Variants in SNX13 observed in about 807,000 individuals in gnomAD.
SNX13 encodes the protein sorting nexin 13.
A neutral mutation model predicts 133.6 loss-of-function variants in SNX13; 45 were observed. That is an observed-to-expected ratio of 0.34 (90% CI 0.27 to 0.43). The LOEUF is 0.43. Ranked by LOEUF, SNX13 falls within the 20% of genes least tolerant of loss-of-function variation. The pLI is 1.00. For synonymous variants in SNX13, 414 were observed against 373.9 expected, an observed-to-expected ratio of 1.11 and a Z score of -1.24; for missense variants, 1,032 against 1,145.1, an observed-to-expected ratio of 0.90 and a Z score of 1.43.
intron 18 of SNX13, among the ~76,000 whole-genome samples, chr7:17,820,145 G>T (rs1315914375): frequency 6.6e-6 from 1 of 151,610 alleles, no homozygotes; most frequent in Non-Finnish European, 1.5e-5. Context: ...TTTAAATCAG[G>T]GAATGATTAT....
chr7:17,885,140 C>A (rs930949445), intron 5 of SNX13, among the ~76,000 whole-genome samples: 1 of 151,938 alleles, frequency 6.6e-6, no homozygotes, highest in African/African-American at 2.4e-5. Context: ...ATGTGTTCAA[C>A]GGAATATTAT....
chr7:17,906,907 T>A (rs1338210697), intron 1 of SNX13, among the ~76,000 whole-genome samples: 2 of 152,124 alleles, frequency 1.3e-5, no homozygotes, highest in Non-Finnish European at 2.9e-5. Context: ...TAAATAAAGA[T>A]AATACAGTCA....
chr7:17,799,914 C>T, intron 22 of SNX13, among the ~76,000 whole-genome samples: 1 of 151,644 alleles, frequency 6.6e-6, no homozygotes, highest in Non-Finnish European at 1.5e-5. Flanking sequence ...AAACTGTTTC[C>T]AATTATTTCC....
chr7:17,923,541 TA>T (rs1462434581), intron 1 of SNX13, among the ~76,000 whole-genome samples: 2 of 152,094 alleles, frequency 1.3e-5, no homozygotes, highest in East Asian at 1.9e-4. Context: ...GGAGTGTTGC[TA>T]AAAGAACGGG....
chr7:17,825,960 A>T, intron 17 of SNX13, 62 bp downstream of exon 17: 1 of 1,222,960 alleles, frequency 8.2e-7, no homozygotes, highest in Non-Finnish European at 1.1e-6. Context: ...AGTGTGGAAA[A>T]TTATTTAGGG....
chr7:17,837,846 T>A (rs889729801), intron 13 of SNX13, among the ~76,000 whole-genome samples: 3 of 151,954 alleles, frequency 2.0e-5, no homozygotes, highest in South Asian at 2.1e-4. Flanking sequence ...TTTTTTTTTT[T>A]AATATTCAAG....
At chr7:17,922,242 A>T (rs1034399604) in intron 1 of SNX13, among the ~76,000 whole-genome samples, 1 of 152,214 alleles carries the variant, frequency 6.6e-6, no homozygotes, top group Admixed American at 6.5e-5. Flanking sequence ...AGCCAGGGAG[A>T]ATACTCACAA....
intron 1 of SNX13, among the ~76,000 whole-genome samples, chr7:17,929,918 T>A (rs1801201016): frequency 6.6e-6 from 1 of 152,138 alleles, no homozygotes; most frequent in Admixed American, 6.6e-5. Context: ...AGATAGCAAG[T>A]AAGGAAAGAA....
Position 17,850,428 on chromosome 7 carries a change from G to A in SNX13, c.984C>T (p.Asn328=). ...AGCTATTTATTTGATTTTTGATAGT[G>A]TTGATATCTAAAAGCAAAGAAATCA... ...RSLDTAGDDI[N]TIKNQINSLL... is the part of the protein sequence containing the mutation. The change falls in exon 11 of 26, where the codon AAC becomes AAT. Residue 328 remains asparagine, a synonymous_variant. Coordinates refer to ENST00000428135, the MANE Select transcript of SNX13 (RefSeq NM_015132.5). 1 of 1,559,056 alleles carries A rather than the reference G, an allele frequency of 6.4e-7. No homozygotes were observed. The highest frequency in any genetic ancestry group is 1.2e-5 in the South Asian group (1 of 83,858).
At chr7:17,805,258 CGCGCGCGCATGCAT>C (rs1785145019) in intron 20 of SNX13, among the ~76,000 whole-genome samples, 1 of 80,502 alleles carries the variant, frequency 1.2e-5, no homozygotes, top group African/African-American at 5.5e-5. Context: ...TGTGCGTGCG[CGCGCGCGCATGCAT>C]GCACATGTGT....
chr7:17,911,828 A>C (rs1799019038), intron 1 of SNX13, among the ~76,000 whole-genome samples: 1 of 151,632 alleles, frequency 6.6e-6, no homozygotes, highest in Non-Finnish European at 1.5e-5. Flanking sequence ...ATAAATAAGT[A>C]GATTTTTTTA....
At chr7:17,871,580 G>T (rs960693802) in intron 8 of SNX13, among the ~76,000 whole-genome samples, 20 of 152,102 alleles carry the variant, frequency 1.3e-4, no homozygotes, top group Non-Finnish European at 1.5e-5. Flanking sequence ...CACCCTTTGT[G>T]TCTGAACATC....
chr7:17,834,566 T>G (rs964624033), intron 14 of SNX13, among the ~76,000 whole-genome samples, 195 bp downstream of exon 14: 20 of 151,794 alleles, frequency 1.3e-4, no homozygotes, highest in African/African-American at 4.8e-4. Context: ...CAACCCAACT[T>G]AAGGATTTTC....
At chr7:17,882,950 C>CAAAAA (rs1795542848) in intron 5 of SNX13, 1 of 392,258 alleles carries the variant, frequency 2.5e-6, no homozygotes. Flanking sequence ...GACTCTGTCT[C>CAAAAA]AAAAACAAAA....
chr7:17,863,011 G>A (rs1422632947), intron 9 of SNX13, among the ~76,000 whole-genome samples: 2 of 152,106 alleles, frequency 1.3e-5, no homozygotes, highest in African/African-American at 4.8e-5. Context: ...AGCACAGAAA[G>A]AGAATCTGTG....
chr7:17,794,127 T>C lies in SNX13; in HGVS notation c.2792A>G (p.Lys931Arg), dbSNP rs765584468. Reference protein sequence around the residue: ...PQYKFRELFNKLHSRSKQMQK... With the variant: ...PQYKFRELFNRLHSRSKQMQK... ...CATCTGCTTTGACCGTGAATGCAGTTTGTTGAAAAGTTCACGGAATTTATA... is the reference window on the plus strand; with the variant it reads ...CATCTGCTTTGACCGTGAATGCAGTCTGTTGAAAAGTTCACGGAATTTATA... Residue 931 changes from lysine (K) to arginine (R), a missense_variant, in exon 26 of 26, where the codon AAA becomes AGA. Physicochemically the swap from Lys to Arg is conservative, Grantham distance 26 (BLOSUM62 2). Transcript: ENST00000428135. The C allele has an allele frequency of 1.9e-6, 3 of 1,611,704 alleles. No homozygotes were observed. Among genetic ancestry groups the C allele is most frequent in the Non-Finnish European group, 2.5e-6 (3 of 1,178,514 alleles).
chr7:17,853,006 T>A (rs1227552734), intron 9 of SNX13, among the ~76,000 whole-genome samples: 1 of 152,126 alleles, frequency 6.6e-6, no homozygotes, highest in Non-Finnish European at 1.5e-5. Context: ...AGAGAAAAGA[T>A]GTGAAAAAAT....
At chr7:17,801,046 A>ACG in intron 22 of SNX13, among the ~76,000 whole-genome samples, 1 of 23,986 alleles carries the variant, frequency 4.2e-5, no homozygotes, top group Non-Finnish European at 9.2e-5. Context: ...ATATATATAT[A>ACG]TATATATATA....
rs1465587199 is a variant in SNX13, at chr7:17,791,636, A to G, written c.*2409T>C. 1 of 152,124 alleles carries G rather than the reference A, an allele frequency of 6.6e-6. No individual in the cohort carries two copies. The highest frequency in any genetic ancestry group is 2.4e-5 in the African/African-American group (1 of 41,458). The allele number at this position is 152,124 out of a possible 1,614,324, so 9.4% of individuals were successfully genotyped here. A position where few individuals can be genotyped will look rare whatever the true frequency, so the allele number is the denominator to read the frequency against. ...TCTTGCCTAAAGGCACCACTGACTT[A>G]AAAAACATTCAAAATCAAATACCAG... On this transcript the variant is annotated 3_prime_UTR_variant, in exon 26 of 26. Coordinates refer to ENST00000428135, the MANE Select transcript of SNX13 (RefSeq NM_015132.5).
Sources: gnomAD v4.1 joint callset for allele counts (sites outside exome capture counted in the v4.1 genomes callset) on GRCh38, gnomAD v4.1.1 for gene constraint, MANE v1.5 for transcripts, NCBI Gene and HGNC (gene_info 2026-07-23, HGNC 2026-07-21) for gene names.